CIROP: variants seen among roughly 807,000 people sequenced by gnomAD.
CIROP encodes the protein leishmanolysin homolog.
At chr14:23,099,241 A>T in the CIROP span, 1 of 413,424 alleles carries the variant, frequency 2.4e-6, no homozygotes. Flanking sequence ...TCTCACAAGA[A>T]ATTATTCTCT....
chr14:23,101,891 A>G, the CIROP span: 4 of 702,358 alleles, frequency 5.7e-6, no homozygotes, highest in African/African-American at 7.0e-5. Flanking sequence ...GTGGTCACCA[A>G]GCCAAATTCT....
chr14:23,104,909 C>G, the CIROP span: 2 of 689,296 alleles, frequency 2.9e-6, no homozygotes, highest in Non-Finnish European at 5.3e-6. Context: ...GCAGCAGCAG[C>G]AGCAGCAGCA....
the CIROP span, chr14:23,099,137 TC>T: frequency 2.4e-6 from 1 of 410,730 alleles, no homozygotes; most frequent in African/African-American, 2.1e-5. Context: ...CACCCTTTTT[TC>T]ATTGCCAGGC....
At chr14:23,099,356 TCA>T in the CIROP span, 2 of 413,494 alleles carry the variant, frequency 4.8e-6, no homozygotes, top group East Asian at 7.1e-5. Context: ...GCAGATGGTC[TCA>T]CAGGAAGAGT....
At chr14:23,099,417 C>A in the CIROP span, 16 of 413,452 alleles carry the variant, frequency 3.9e-5, no homozygotes, top group Non-Finnish European at 6.6e-5. Context: ...CCAGGATTAG[C>A]AGCATTAGGC....
At chr14:23,100,871 G>A in the CIROP span, 13 of 398,988 alleles carry the variant, frequency 3.3e-5, no homozygotes, top group African/African-American at 2.3e-4. Context: ...GCCTTTGCTC[G>A]CCAAAGCCTC....
At chr14:23,099,167 G>A in the CIROP span, 34,706 of 411,394 alleles carry the variant, frequency 0.084, 2,236 homozygotes, top group African/African-American at 0.22. Flanking sequence ...ATTGACAACC[G>A]GGGAAAGAGG....
At chr14:23,103,839 G>C in the CIROP span, 1 of 700,562 alleles carries the variant, frequency 1.4e-6, no homozygotes, top group African/African-American at 1.7e-5. Context: ...GTGAAATGTT[G>C]CATTAGCAGA....
chr14:23,101,968 T>C, the CIROP span: 6 of 701,232 alleles, frequency 8.6e-6, no homozygotes, highest in Middle Eastern at 3.3e-4. Flanking sequence ...CAAACATCCT[T>C]CAGCACCAGC....
the CIROP span, chr14:23,103,042 T>C: frequency 3.7e-3 from 2,075 of 558,406 alleles, 31 homozygotes; most frequent in African/African-American, 0.036. Flanking sequence ...GCATAGGCTA[T>C]GACAGAGGGC....
chr14:23,101,333 C>G, the CIROP span: 6 of 517,652 alleles, frequency 1.2e-5, no homozygotes, highest in Non-Finnish European at 2.0e-5. Flanking sequence ...CAAGGCGAGC[C>G]CTCCACCTGC....
At chr14:23,101,505 C>T in the CIROP span, 2,189 of 619,676 alleles carry the variant, frequency 3.5e-3, 14 homozygotes, top group Middle Eastern at 0.031. Flanking sequence ...GATGGTAGAT[C>T]TCCCCATGGG....
At chr14:23,103,327 T>C in the CIROP span, 53 of 367,686 alleles carry the variant, frequency 1.4e-4, 3 homozygotes, top group African/African-American at 8.5e-4. Context: ...GGTGGGCAGA[T>C]TGCTTGAGCC....
At chr14:23,104,165 C>T in the CIROP span, 1 of 592,278 alleles carries the variant, frequency 1.7e-6, no homozygotes, top group Non-Finnish European at 3.0e-6. Flanking sequence ...TCTGGTTTTC[C>T]TCTCTTTACT....
chr14:23,102,614 A>C, the CIROP span: 1 of 702,938 alleles, frequency 1.4e-6, no homozygotes, highest in Non-Finnish European at 2.6e-6. Context: ...CCTTAACCTC[A>C]TTCCTCTCAT....
the CIROP span, chr14:23,104,951 C>T: frequency 1.5e-6 from 1 of 665,772 alleles, no homozygotes; most frequent in East Asian, 2.7e-5. Flanking sequence ...TAGATACAGC[C>T]TGGATCCTGT....
chr14:23,101,160 C>G, the CIROP span: 1 of 405,312 alleles, frequency 2.5e-6, no homozygotes, highest in Non-Finnish European at 4.4e-6. Flanking sequence ...TATTCTAGAT[C>G]AGAGTCATGG....
At chr14:23,100,298 T>C in the CIROP span, 1 of 398,682 alleles carries the variant, frequency 2.5e-6, no homozygotes, top group East Asian at 3.7e-5. Flanking sequence ...CTAAGATCCC[T>C]ATGTCCTAGA....
chr14:23,099,304 A>T, the CIROP span: 27 of 413,292 alleles, frequency 6.5e-5, no homozygotes, highest in East Asian at 9.6e-4. Context: ...TATTCCTCTA[A>T]CTGGGACCCT....
Sources: gnomAD v4.1 joint callset for allele counts on GRCh38, gnomAD v4.1.1 for gene constraint, MANE v1.5 for transcripts, NCBI Gene and HGNC (gene_info 2026-07-23, HGNC 2026-07-21) for gene names.